TTC17: variants seen among roughly 807,000 people sequenced by gnomAD.
The protein encoded by TTC17 is tetratricopeptide repeat protein 17.
TTC17 carries 58 observed loss-of-function variants against 143.8 expected under a neutral mutation model. The observed-to-expected ratio is 0.40, with a 90% CI of 0.33 to 0.50. The LOEUF is 0.50. Among genes scored for constraint, TTC17 ranks in the 20% least tolerant of loss-of-function variants. TTC17 has a pLI of 0.49. For synonymous variants in TTC17, 501 were observed against 497.8 expected, an observed-to-expected ratio of 1.01 and a Z score of -0.09; for missense variants, 1,273 against 1,392.5, an observed-to-expected ratio of 0.91 and a Z score of 1.37.
chr11:43,485,946 T>C (rs1564985418), intron 21 of TTC17, among the ~76,000 whole-genome samples: 1 of 150,512 alleles, frequency 6.6e-6, no homozygotes, highest in Non-Finnish European at 1.5e-5. Flanking sequence ...TACTCCTTGG[T>C]ATCTACTCTA....
At chr11:43,401,217 A>G (rs1857838523) in intron 9 of TTC17, among the ~76,000 whole-genome samples, 1 of 152,198 alleles carries the variant, frequency 6.6e-6, no homozygotes, top group Non-Finnish European at 1.5e-5. Context: ...TACCTCAGTA[A>G]TCATCTAGTG....
At chr11:43,398,198 G>A in intron 8 of TTC17, 85 bp downstream of exon 8, 1 of 1,507,506 alleles carries the variant, frequency 6.6e-7, no homozygotes, top group South Asian at 1.3e-5. Flanking sequence ...GTGTTAATTT[G>A]GTAACTGGAA....
At chr11:43,457,305 G>A (rs1220187044) in intron 21 of TTC17, among the ~76,000 whole-genome samples, 1 of 152,092 alleles carries the variant, frequency 6.6e-6, no homozygotes, top group Non-Finnish European at 1.5e-5. Context: ...GCAGGAATGA[G>A]TTGATCAGTC....
rs184400888 is a variant in TTC17 at position 43,370,142 on chromosome 11, C to A, written c.160-9091C>A. 2.4e-5 allele frequency: 11 copies of A among 453,402 alleles called. No individual in the cohort carries two copies. In the East Asian group the frequency reaches 7.7e-4, roughly 32 times the overall value. The allele number at this position is 453,402 out of a possible 1,614,324, so 28.1% of individuals were successfully genotyped here. On this transcript the variant is annotated intron_variant, in intron 1 of 23. Transcript: ENST00000039989. ...GAAGCTGGGCTGCTATTTTTGCGAA[C>A]CTGTACTTCTCTAAACCTCAAAGAA...
chr11:43,433,250 C>T (rs1036900975), intron 16 of TTC17, among the ~76,000 whole-genome samples: 13 of 152,190 alleles, frequency 8.5e-5, no homozygotes, highest in East Asian at 7.7e-4. Context: ...CCGCCTTCCT[C>T]AGCCTCCCAA....
intron 21 of TTC17, among the ~76,000 whole-genome samples, chr11:43,476,138 A>G (rs1325839320): frequency 6.6e-6 from 1 of 152,228 alleles, no homozygotes; most frequent in Non-Finnish European, 1.5e-5. Flanking sequence ...AGTGGTACCT[A>G]AAGGTCACAA....
rs1449692353 is a variant in TTC17 at position 43,359,023 on chromosome 11, C to T, written c.69C>T (p.Leu23=). The T allele has an allele frequency of 1.3e-6, 2 of 1,592,642 alleles. No individual in the cohort carries two copies. The highest frequency in any genetic ancestry group is 1.1e-5 in the South Asian group (1 of 88,468). ...CTTGCTCCGGCCCAGGCTGGCTCCT[C>T]AGCCTTTCCGCCTTGCTGAGTGTGG... ...LPPCSGPGWL[L]SLSALLSVAA... Residue 23 remains leucine, a synonymous_variant, in exon 1 of 24, where the codon CTC becomes CTT. Transcript: ENST00000039989.
chr11:43,403,021 A>G (rs1035131186), intron 10 of TTC17, among the ~76,000 whole-genome samples: 5 of 152,176 alleles, frequency 3.3e-5, no homozygotes, highest in Admixed American at 6.5e-5. Context: ...AAAGCTTCCT[A>G]TGAGTATTGT....
At chr11:43,440,352 C>G (rs567944707) in intron 16 of TTC17, among the ~76,000 whole-genome samples, 1 of 152,284 alleles carries the variant, frequency 6.6e-6, no homozygotes, top group South Asian at 2.1e-4. Flanking sequence ...TCCTGTTGCC[C>G]TTTCCTAACT....
chr11:43,405,906 T>C lies in TTC17; in HGVS notation c.1716T>C (p.Val572=). The stretch of plus-strand genomic sequence containing the variant: ...CCTACTTAGTCAAAGAATTAGAGGT[T>C]CGCATGGATCTGAAAGCCAAAATGC... The part of the protein sequence containing the change: ...TLSYLVKELE[V]RMDLKAKMPD... The change falls in exon 13 of 24, where the codon GTT becomes GTC. Residue 572 remains valine (V), a synonymous_variant. Transcript: ENST00000039989. 1.2e-6 allele frequency: 2 copies of C among 1,613,836 alleles called. No individual in the cohort carries two copies.
chr11:43,379,661 A>G (rs1210132705), intron 2 of TTC17, among the ~76,000 whole-genome samples: 1 of 152,238 alleles, frequency 6.6e-6, no homozygotes, highest in Non-Finnish European at 1.5e-5. Flanking sequence ...TCCTAGAATA[A>G]TCTGGATAAA....
chr11:43,457,986 T>C (rs1263816532), intron 21 of TTC17, among the ~76,000 whole-genome samples: 1 of 151,984 alleles, frequency 6.6e-6, no homozygotes. Context: ...ATAGGTACAA[T>C]GAAAAGCACA....
At position 43,489,110 on chromosome 11, in the gene TTC17, A is replaced by G. The variant is rs1242706622; in HGVS notation, c.3031-1129A>G. Among the ~76,000 whole-genome samples, 4 of 152,240 alleles carry G rather than the reference A, an allele frequency of 2.6e-5. No homozygotes were observed. In the East Asian group the frequency reaches 7.7e-4, roughly 29 times the overall value. ...AAATCTACATCACACAAAGTACCAT[A>G]AGTCCAAAGACAGACTTCAAACTCG... is the stretch of plus-strand genomic sequence containing the variant. On this transcript the variant is annotated intron_variant, in intron 21 of 23. Transcript: ENST00000039989.
intron 21 of TTC17, among the ~76,000 whole-genome samples, chr11:43,455,342 A>G (rs2134769799): frequency 6.6e-6 from 1 of 152,108 alleles, no homozygotes; most frequent in South Asian, 2.1e-4. Context: ...GAAAAAATAA[A>G]CTAAAAGCAA....
intron 21 of TTC17, among the ~76,000 whole-genome samples, chr11:43,451,568 G>A (rs1476439556): frequency 6.6e-6 from 1 of 152,160 alleles, no homozygotes; most frequent in African/African-American, 2.4e-5. Context: ...CTAGGTATAT[G>A]AAATAAGTCA....
chr11:43,460,737 G>A (rs186713317), intron 21 of TTC17, among the ~76,000 whole-genome samples: 1 of 152,288 alleles, frequency 6.6e-6, no homozygotes, highest in Non-Finnish European at 1.5e-5. Flanking sequence ...ACCAAAGATG[G>A]CTTTACTCAA....
chr11:43,440,455 G>GA (rs1488647233), intron 16 of TTC17, among the ~76,000 whole-genome samples: 1 of 152,152 alleles, frequency 6.6e-6, no homozygotes, highest in Non-Finnish European at 1.5e-5. Context: ...ACATTAGACT[G>GA]AAAAATCTTG....
chr11:43,370,570 C>T (rs1266499153), intron 1 of TTC17, among the ~76,000 whole-genome samples: 3 of 144,096 alleles, frequency 2.1e-5, no homozygotes, highest in Non-Finnish European at 4.6e-5. Flanking sequence ...AAAGATAAAA[C>T]ATGTTACGTA....
intron 23 of TTC17, among the ~76,000 whole-genome samples, chr11:43,493,028 A>G (rs1446007665): frequency 6.6e-6 from 1 of 152,214 alleles, no homozygotes; most frequent in Non-Finnish European, 1.5e-5. Context: ...CCAGGGAGGT[A>G]TTGCCGAATA....
Sources: gnomAD v4.1 joint callset for allele counts (sites outside exome capture counted in the v4.1 genomes callset) on GRCh38, gnomAD v4.1.1 for gene constraint, MANE v1.5 for transcripts, NCBI Gene and HGNC (gene_info 2026-07-23, HGNC 2026-07-21) for gene names.